Variants in ME1 observed in about 807,000 individuals in gnomAD.
ME1 encodes the protein malic enzyme 1, also known as NADP-dependent malic enzyme.
A neutral mutation model predicts 66.4 loss-of-function variants in ME1; 74 were observed. That is an observed-to-expected ratio of 1.11 (90% CI 0.92 to 1.35). The LOEUF (loss-of-function observed/expected upper bound fraction) is 1.35, where lower values mean the gene tolerates loss of function less well. Among genes scored for constraint, ME1 ranks in the 40% most tolerant of loss-of-function variants. The probability of loss-of-function intolerance (pLI) is 0.00; values close to 1 mark genes in which losing one functional copy is unlikely to be tolerated. For missense variants in ME1, 750 were observed against 694.1 expected, an observed-to-expected ratio of 1.08 and a Z score of -0.90; for synonymous variants, 251 against 235.6, an observed-to-expected ratio of 1.07 and a Z score of -0.60.
At chr6:83,253,560 A>T in intron 7 of ME1, 69 bp downstream of exon 7, 1 of 807,658 alleles carries the variant, frequency 1.2e-6, no homozygotes, top group Non-Finnish European at 2.1e-6. Context: ...ATTGAATTTG[A>T]ATCATTATTA....
intron 3 of ME1, among the ~76,000 whole-genome samples, chr6:83,366,299 T>C (rs914230114): frequency 6.6e-6 from 1 of 152,222 alleles, no homozygotes; most frequent in Non-Finnish European, 1.5e-5. Context: ...TGTTAGCTCC[T>C]CTTGGAAATA....
At chr6:83,294,733 G>A (rs916122190) in intron 6 of ME1, among the ~76,000 whole-genome samples, 2 of 152,110 alleles carry the variant, frequency 1.3e-5, no homozygotes, top group Non-Finnish European at 2.9e-5. Context: ...CCCAAGGAGG[G>A]GAGGCCAATC....
chr6:83,317,572 A>T (rs1768058651), intron 5 of ME1, among the ~76,000 whole-genome samples: 1 of 151,630 alleles, frequency 6.6e-6, no homozygotes, highest in South Asian at 2.1e-4. Context: ...GGGCTGAGAC[A>T]ATGGGGTTTT....
intron 7 of ME1, among the ~76,000 whole-genome samples, chr6:83,250,139 G>T (rs148554537): frequency 1.3e-5 from 2 of 151,318 alleles, no homozygotes; most frequent in South Asian, 2.1e-4. Context: ...TTCATAGTCC[G>T]TTGGCTCTCT....
At chr6:83,366,971 G>A (rs1046424451) in intron 3 of ME1, among the ~76,000 whole-genome samples, 3 of 152,148 alleles carry the variant, frequency 2.0e-5, no homozygotes, top group African/African-American at 7.2e-5. Flanking sequence ...GTCTATGGCA[G>A]CTATAGTATT....
intron 3 of ME1, among the ~76,000 whole-genome samples, chr6:83,396,982 A>C (rs923784299): frequency 6.6e-6 from 1 of 152,188 alleles, no homozygotes; most frequent in Non-Finnish European, 1.5e-5. Flanking sequence ...TATTAAAAAA[A>C]ATCAACTCAA....
intron 5 of ME1, among the ~76,000 whole-genome samples, chr6:83,317,757 C>T (rs1329893063): frequency 6.6e-6 from 1 of 152,152 alleles, no homozygotes; most frequent in Non-Finnish European, 1.5e-5. Flanking sequence ...ATGCCATCCC[C>T]ATCAAGCTAC....
At chr6:83,359,408 A>G (rs894315226) in intron 3 of ME1, among the ~76,000 whole-genome samples, 4 of 152,210 alleles carry the variant, frequency 2.6e-5, no homozygotes, top group Admixed American at 1.3e-4. Context: ...TCTGGAGAAC[A>G]GGCATGTGAG....
intron 3 of ME1, among the ~76,000 whole-genome samples, chr6:83,369,691 G>GGAAA (rs1769161017): frequency 6.7e-6 from 1 of 148,722 alleles, no homozygotes; most frequent in Non-Finnish European, 1.5e-5. Context: ...AAGGAAGGAA[G>GGAAA]GAAGGAAGGA....
At chr6:83,389,424 T>A (rs1769576222) in intron 3 of ME1, among the ~76,000 whole-genome samples, 1 of 152,164 alleles carries the variant, frequency 6.6e-6, no homozygotes, top group Admixed American at 6.5e-5. Context: ...CCCTTTTCTC[T>A]AGAATTTTAC....
intron 6 of ME1, among the ~76,000 whole-genome samples, chr6:83,255,879 GCA>G (rs1766759749): frequency 6.6e-6 from 1 of 151,946 alleles, no homozygotes; most frequent in African/African-American, 2.4e-5. Flanking sequence ...GAGGAAACAG[GCA>G]CACAGGTATA....
rs74659385 is a variant in ME1 at position 83,297,170 on chromosome 6, G to A, written c.704+18140C>T. On this transcript the variant is annotated intron_variant, in intron 6 of 13. Coordinates refer to ENST00000369705, the MANE Select transcript of ME1 (RefSeq NM_002395.6). ...ATAAAAATACACCAACAGCAGCCAAGCTGAAAGCCAAATCAGGAACTCAAT... is the reference window on the plus strand; with the variant it reads ...ATAAAAATACACCAACAGCAGCCAAACTGAAAGCCAAATCAGGAACTCAAT... Among the ~76,000 whole-genome samples the A allele has an allele frequency of 5.8e-3, 875 of 152,082 alleles. 9 individuals are homozygous for A. The highest frequency in any genetic ancestry group is 0.02 in the African/African-American group (836 of 41,470).
At chr6:83,354,294 T>C (rs1768848783) in intron 3 of ME1, among the ~76,000 whole-genome samples, 1 of 152,138 alleles carries the variant, frequency 6.6e-6, no homozygotes, top group Non-Finnish European at 1.5e-5. Context: ...GCCTAGCTAA[T>C]TTTTGTATTT....
chr6:83,351,811 CA>C (rs1323236617), intron 4 of ME1, among the ~76,000 whole-genome samples: 1 of 151,964 alleles, frequency 6.6e-6, no homozygotes, highest in Non-Finnish European at 1.5e-5. Context: ...ATCACATATT[CA>C]ACATTTATCA....
chr6:83,247,530 TA>T (rs541155728), intron 7 of ME1, among the ~76,000 whole-genome samples: 82 of 146,550 alleles, frequency 5.6e-4, no homozygotes, highest in South Asian at 1.3e-3. Flanking sequence ...CAAATGTGTT[TA>T]AAAAAAAAAA....
chr6:83,365,422 T>C (rs1181431437), intron 3 of ME1, among the ~76,000 whole-genome samples: 1 of 152,134 alleles, frequency 6.6e-6, no homozygotes, highest in Non-Finnish European at 1.5e-5. Flanking sequence ...CCCTGCCCAG[T>C]CTTCAACATT....
At chr6:83,420,506 CT>C (rs1253400112) in intron 1 of ME1, among the ~76,000 whole-genome samples, 15 of 152,204 alleles carry the variant, frequency 9.9e-5, no homozygotes, top group African/African-American at 3.6e-4. Context: ...TAAGCTGTAT[CT>C]TAGTTAACTC....
At position 83,210,404 on chromosome 6, in the gene ME1, C is replaced by A. The variant is rs969113811; in HGVS notation, c.*1520G>T. The A allele has an allele frequency of 6.6e-6, 1 of 152,318 alleles. No homozygotes were observed. The highest frequency in any genetic ancestry group is 2.1e-4 in the South Asian group (1 of 4,824). The allele number at this position is 152,318 out of a possible 1,614,324, so 9.4% of individuals were successfully genotyped here. A position where few individuals can be genotyped will look rare whatever the true frequency, so the allele number is the denominator to read the frequency against. On this transcript the variant is annotated 3_prime_UTR_variant, in exon 14 of 14. Transcript: ENST00000369705. ...CAATGTAACATTTTAAGAAAAAGGA[C>A]AATTATTTTATATTTTTATTCATTC...
At chr6:83,287,131 T>C (rs942575515) in intron 6 of ME1, among the ~76,000 whole-genome samples, 1 of 152,174 alleles carries the variant, frequency 6.6e-6, no homozygotes, top group Non-Finnish European at 1.5e-5. Context: ...GGTAAAAATA[T>C]GTAACATTAA....
Sources: gnomAD v4.1 joint callset for allele counts (sites outside exome capture counted in the v4.1 genomes callset) on GRCh38, gnomAD v4.1.1 for gene constraint, MANE v1.5 for transcripts, NCBI Gene and HGNC (gene_info 2026-07-23, HGNC 2026-07-21) for gene names.